The following WNT2B variants were observed in gnomAD, a reference collection of about 807,000 sequenced individuals.
WNT2B encodes the protein protein Wnt-2b.
WNT2B carries 19 observed loss-of-function variants against 40.5 expected under a neutral mutation model. The ratio of observed to expected loss-of-function variants is 0.47; its 90% CI spans 0.33 to 0.69. The LOEUF is 0.69. Ranked by LOEUF, WNT2B falls within the 30% of genes least tolerant of loss-of-function variation. The pLI is 0.02. For synonymous variants in WNT2B, 220 were observed against 211.9 expected (o/e 1.04, Z -0.33); for missense variants, 467 against 556.4 (o/e 0.84, Z 1.62).
At chr1:112,475,236 A>C (rs1651019740) in intron 1 of WNT2B, among the ~76,000 whole-genome samples, 1 of 152,232 alleles carries the variant, frequency 6.6e-6, no homozygotes. Flanking sequence ...CCACACACAC[A>C]AAAAGCAAAA....
At chr1:112,498,081 C>T (rs887158805) in intron 1 of WNT2B, among the ~76,000 whole-genome samples, 1 of 151,966 alleles carries the variant, frequency 6.6e-6, no homozygotes, top group Non-Finnish European at 1.5e-5. Context: ...CCCTTTCCCC[C>T]CCAACCCCCG....
chr1:112,515,773 G>A lies in WNT2B; in HGVS notation c.404-367G>A, dbSNP rs1487733017. ...TGTCCAGCAGAGTGGGCCTGAAAAG[G>A]CCTGGAATGTGGACTAAGGCAGGCT... On this transcript the variant is annotated intron_variant, in intron 2 of 4. Transcript: ENST00000369684. The surrounding 1 kb of genome is among the most constrained non-coding windows in gnomAD (Gnocchi z 4.4). Among the ~76,000 whole-genome samples the A allele has an allele frequency of 6.6e-6, 1 of 152,216 alleles. No homozygotes were observed. The highest frequency in any genetic ancestry group is 1.5e-5 in the Non-Finnish European group (1 of 68,042).
In WNT2B at chr1:112,520,576, T is replaced by G; in HGVS notation, c.*67T>G. On this transcript the variant is annotated 3_prime_UTR_variant, in exon 5 of 5. Transcript: ENST00000369684. ...AACTCAAAAGCACAAGATCCTTGCA[T>G]GCACACCTTCCTCCACCCTCCACCC... The G allele has an allele frequency of 6.6e-7, 1 of 1,512,016 alleles. No individual in the cohort carries two copies. The highest frequency in any genetic ancestry group is 1.2e-5 in the South Asian group (1 of 85,088). 93.7% of individuals were successfully genotyped at this position (1,512,016 alleles called of 1,614,324 possible).
chr1:112,501,455 A>C (rs1007908208), intron 1 of WNT2B, among the ~76,000 whole-genome samples: 6 of 152,198 alleles, frequency 3.9e-5, no homozygotes, highest in African/African-American at 1.4e-4. Context: ...GAATACCCAC[A>C]TACATTATTT....
upstream of WNT2B, among the ~76,000 whole-genome samples, chr1:112,506,500 C>G (rs2101078524): frequency 6.6e-6 from 1 of 152,312 alleles, no homozygotes; most frequent in African/African-American, 2.4e-5. Flanking sequence ...ACCCCAGGCC[C>G]TGTGTAGAAA....
At chr1:112,497,461 T>G (rs898555236) in intron 1 of WNT2B, among the ~76,000 whole-genome samples, 1 of 152,164 alleles carries the variant, frequency 6.6e-6, no homozygotes. Context: ...TAGACCCACA[T>G]AGCAAAGATT....
chr1:112,499,084 T>A (rs1247022512), intron 1 of WNT2B, among the ~76,000 whole-genome samples: 1 of 151,932 alleles, frequency 6.6e-6, no homozygotes, highest in Non-Finnish European at 1.5e-5. Flanking sequence ...CGTGCGCCTG[T>A]AATCCCAGTT....
chr1:112,490,550 C>T (rs577824121), intron 1 of WNT2B, among the ~76,000 whole-genome samples: 2,961 of 149,958 alleles, frequency 0.02, 111 homozygotes, highest in African/African-American at 0.068. Flanking sequence ...AGTGCAGAGG[C>T]AGGATCTCAG....
chr1:112,512,962 A>C (rs1465636197), intron 1 of WNT2B, among the ~76,000 whole-genome samples: 1 of 152,170 alleles, frequency 6.6e-6, no homozygotes, highest in African/African-American at 2.4e-5. Flanking sequence ...GTGAGGATGT[A>C]ATAAAAAGGA....
chr1:112,516,830 G>A (rs913618711), intron 3 of WNT2B, among the ~76,000 whole-genome samples: 7 of 152,220 alleles, frequency 4.6e-5, no homozygotes, highest in Non-Finnish European at 8.8e-5. Flanking sequence ...GAAAAGTAGA[G>A]GATGTGCAAG....
chr1:112,474,214 C>T (rs1003321587), intron 1 of WNT2B, among the ~76,000 whole-genome samples: 4 of 152,018 alleles, frequency 2.6e-5, no homozygotes, highest in Admixed American at 6.5e-5. Context: ...GGCACAATCT[C>T]GACTCACTGC....
rs1488913470 is a variant in WNT2B at position 112,517,381 on chromosome 1, T to C, written c.942T>C (p.Ala314=). The change falls in exon 4 of 5, where the codon GCT becomes GCC. Residue 314 remains alanine (A), a synonymous_variant. Coordinates refer to ENST00000369684, the MANE Select transcript of WNT2B (RefSeq NM_024494.3). ...NSPDYCVLDK[A]AGSLGTAGRV... ...CAGATTACTGTGTCTTGGACAAGGCTGCAGGTGAGTAAGGAAGGCAGGCAG... is the reference window on the plus strand; with the variant it reads ...CAGATTACTGTGTCTTGGACAAGGCCGCAGGTGAGTAAGGAAGGCAGGCAG... The C allele has an allele frequency of 5.6e-6, 9 of 1,600,142 alleles. No homozygotes were observed. Among genetic ancestry groups the C allele is most frequent in the Non-Finnish European group, 6.8e-6 (8 of 1,168,826 alleles).
At position 112,480,365 on chromosome 1, in the gene WNT2B, C is replaced by CA. The variant is rs10709816; in HGVS notation, c.-95+12792dup. On this transcript the variant is annotated intron_variant, in intron 1 of 4. Transcript: ENST00000256640. ...TGGGTGACAGAGTAAGACTCCGTCT[C>CA]AAAAAAAAAAAAAAAAAAGAGAAGA... Among the ~76,000 whole-genome samples, 614 of 91,628 alleles carry CA rather than the reference C, an allele frequency of 6.7e-3. 7 individuals are homozygous for CA. Among genetic ancestry groups the CA allele is most frequent in the African/African-American group, 0.022 (577 of 26,208 alleles). The allele number at this position is 91,628 out of a possible 152,430, so 60.1% of individuals were successfully genotyped here. A position where few individuals can be genotyped will look rare whatever the true frequency, so the allele number is the denominator to read the frequency against.
In WNT2B at chr1:112,527,341, CTT is replaced by C. The variant is rs765137132; in HGVS notation, c.*6834_*6835del. On this transcript the variant is annotated 3_prime_UTR_variant, in exon 5 of 5. Coordinates refer to ENST00000369684, the MANE Select transcript of WNT2B (RefSeq NM_024494.3). ...ATAGTCAGGACTTCCCCAAGGCAGA[CTT>C]TATTTTTTGGTCCATCGATCTTGGC... The C allele has an allele frequency of 1.3e-5, 2 of 152,552 alleles. No individual in the cohort carries two copies. The highest frequency in any genetic ancestry group is 1.3e-4 in the Admixed American group (2 of 15,288). 9.4% of individuals were successfully genotyped at this position (152,552 alleles called of 1,614,324 possible). A position where few individuals can be genotyped will look rare whatever the true frequency, so the allele number is the denominator to read the frequency against.
At chr1:112,492,042 C>T (rs780276804) in intron 1 of WNT2B, among the ~76,000 whole-genome samples, 12 of 151,458 alleles carry the variant, frequency 7.9e-5, no homozygotes, top group Non-Finnish European at 1.0e-4. Flanking sequence ...TGACAAGTCA[C>T]GTAAATAAAA....
Position 112,526,286 on chromosome 1 carries a change from A to G in WNT2B, c.*5777A>G, listed in dbSNP as rs1653372005. On this transcript the variant is annotated 3_prime_UTR_variant, in exon 5 of 5. Transcript: ENST00000369684. Reference sequence around the variant, plus strand: ...TTACCACCAGTACCATGTGACCACTATACAACATATTCCACATTTAAACAA... The same window carrying G: ...TTACCACCAGTACCATGTGACCACTGTACAACATATTCCACATTTAAACAA... 4.4e-6 allele frequency: 3 copies of G among 677,860 alleles called. No individual in the cohort carries two copies. In the South Asian group the frequency reaches 7.9e-5, roughly 18 times the overall value. The allele number at this position is 677,860 out of a possible 1,614,324, so 42.0% of individuals were successfully genotyped here.
At chr1:112,491,223 C>T (rs1260387008) in intron 1 of WNT2B, 15 of 728,572 alleles carry the variant, frequency 2.1e-5, no homozygotes, top group Non-Finnish European at 2.9e-5. Flanking sequence ...GCCTGGCCAA[C>T]ATGGTGAAAC....
At chr1:112,468,761 TTACTC>T (rs1650783898) in intron 1 of WNT2B, among the ~76,000 whole-genome samples, 1 of 152,180 alleles carries the variant, frequency 6.6e-6, no homozygotes, top group Admixed American at 6.5e-5. Context: ...GGTTGTCTCT[TTACTC>T]TGTTGATTGT....
intron 1 of WNT2B, among the ~76,000 whole-genome samples, chr1:112,489,890 T>C (rs897360986): frequency 6.6e-6 from 1 of 152,208 alleles, no homozygotes; most frequent in Non-Finnish European, 1.5e-5. Flanking sequence ...AACTTCAGTC[T>C]CCACCCACAA....
Sources: allele counts gnomAD v4.1 joint callset (sites outside exome capture counted in the v4.1 genomes callset), GRCh38; gene constraint gnomAD v4.1.1; non-coding constraint Gnocchi (gnomAD v3.1); transcripts MANE v1.5; gene names NCBI Gene and HGNC (gene_info 2026-07-23, HGNC 2026-07-21).